Variants in RGS7 observed in about 807,000 individuals in gnomAD.
RGS7 encodes regulator of G-protein signaling 7.
Under a neutral mutation model 81.1 loss-of-function variants are expected in RGS7, and 27 were observed. The ratio of observed to expected loss-of-function variants is 0.33; its 90% CI spans 0.25 to 0.46. The LOEUF (loss-of-function observed/expected upper bound fraction) is 0.46, where lower values mean the gene tolerates loss of function less well. Among genes scored for constraint, RGS7 ranks in the 20% least tolerant of loss-of-function variants. RGS7 has a pLI of 1.00. For missense variants in RGS7, 396 were observed against 607.4 expected (o/e 0.65, Z 3.66); for synonymous variants, 208 against 207.7 (o/e 1.00, Z -0.01).
intron 2 of RGS7, among the ~76,000 whole-genome samples, chr1:241,173,730 A>G (rs2070900323): frequency 6.6e-6 from 1 of 152,208 alleles, no homozygotes; most frequent in Admixed American, 6.5e-5. Flanking sequence ...GCAATCAGCC[A>G]TGATAGCACC....
At chr1:241,342,089 G>A (rs748161504) in intron 2 of RGS7, among the ~76,000 whole-genome samples, 1 of 151,800 alleles carries the variant, frequency 6.6e-6, no homozygotes, top group Non-Finnish European at 1.5e-5. Flanking sequence ...GGCCAGGCTG[G>A]TCTCAAACTC....
chr1:241,273,182 C>CACCG (rs1553305836), intron 2 of RGS7, among the ~76,000 whole-genome samples: 3 of 137,416 alleles, frequency 2.2e-5, no homozygotes, highest in East Asian at 2.4e-4. Context: ...TGAACCCCCC[C>CACCG]CCCCAAAGGA....
chr1:241,110,117 T>G (rs6663447), intron 2 of RGS7, among the ~76,000 whole-genome samples: 13,516 of 152,274 alleles, frequency 0.089, 1,795 homozygotes, highest in African/African-American at 0.29. Flanking sequence ...TCTGTATAAT[T>G]GCTATTGACT....
At chr1:240,939,529 T>C (rs1203044995) in intron 4 of RGS7, among the ~76,000 whole-genome samples, 1 of 152,170 alleles carries the variant, frequency 6.6e-6, no homozygotes, top group African/African-American at 2.4e-5. Flanking sequence ...CAGGTGGTTA[T>C]AGTCCTGGTT....
chr1:241,326,412 T>TG (rs1230614709), intron 2 of RGS7, among the ~76,000 whole-genome samples: 3 of 152,192 alleles, frequency 2.0e-5, no homozygotes, highest in African/African-American at 7.2e-5. Flanking sequence ...CCTCCAGCTA[T>TG]ACCACCTGCT....
intron 2 of RGS7, among the ~76,000 whole-genome samples, chr1:241,165,137 T>C (rs2070084158): frequency 6.6e-6 from 1 of 152,206 alleles, no homozygotes; most frequent in African/African-American, 2.4e-5. Flanking sequence ...ATGACTTGAT[T>C]CTTGGGCACA....
chr1:240,794,986 C>T (rs924951434), intron 18 of RGS7, among the ~76,000 whole-genome samples: 1 of 152,044 alleles, frequency 6.6e-6, no homozygotes, highest in African/African-American at 2.4e-5. Context: ...AGTTCGAGAC[C>T]AGCCTGACCA....
At chr1:240,989,878 T>C (rs990925519) in intron 3 of RGS7, among the ~76,000 whole-genome samples, 2 of 152,140 alleles carry the variant, frequency 1.3e-5, no homozygotes, top group Non-Finnish European at 2.9e-5. Context: ...AAAGGATGTA[T>C]TTAGGCCTCA....
chr1:241,275,925 G>T (rs1371474353), intron 2 of RGS7, among the ~76,000 whole-genome samples: 2 of 152,310 alleles, frequency 1.3e-5, no homozygotes, highest in Middle Eastern at 3.4e-3. Flanking sequence ...CAATAATTCT[G>T]ATGAAGACTC....
chr1:240,857,095 G>A (rs1418909275), intron 9 of RGS7, among the ~76,000 whole-genome samples: 1 of 152,092 alleles, frequency 6.6e-6, no homozygotes, highest in African/African-American at 2.4e-5. Context: ...CACTTTATCT[G>A]CTGATATCAC....
At chr1:241,142,265 G>A (rs907965843) in intron 2 of RGS7, among the ~76,000 whole-genome samples, 1 of 152,158 alleles carries the variant, frequency 6.6e-6, no homozygotes, top group African/African-American at 2.4e-5. Context: ...GAGGTCTGAA[G>A]GATGGTGGCC....
intron 18 of RGS7, among the ~76,000 whole-genome samples, chr1:240,791,256 T>C (rs898385351): frequency 3.3e-5 from 5 of 152,180 alleles, no homozygotes; most frequent in Admixed American, 3.3e-4. Flanking sequence ...CAATGTGTGT[T>C]CCTATTATTA....
intron 4 of RGS7, among the ~76,000 whole-genome samples, chr1:240,945,935 A>C (rs528334298): frequency 6.6e-6 from 1 of 152,322 alleles, no homozygotes; most frequent in Non-Finnish European, 1.5e-5. Context: ...AGAATACCTA[A>C]AATCTAATAC....
At chr1:241,167,362 G>T (rs1319513778) in intron 2 of RGS7, among the ~76,000 whole-genome samples, 1 of 152,162 alleles carries the variant, frequency 6.6e-6, no homozygotes, top group East Asian at 1.9e-4. Context: ...ACTTCTGACT[G>T]AGCATACGCC....
intron 4 of RGS7, among the ~76,000 whole-genome samples, chr1:240,982,873 G>C (rs1685128447): frequency 6.6e-6 from 1 of 152,134 alleles, no homozygotes; most frequent in Non-Finnish European, 1.5e-5. Flanking sequence ...AATTAAGGAT[G>C]TGAAAAATTG....
intron 18 of RGS7, among the ~76,000 whole-genome samples, chr1:240,796,634 C>T (rs149273002): frequency 1.8e-4 from 28 of 152,184 alleles, no homozygotes; most frequent in African/African-American, 5.1e-4. Context: ...TGCAGTGAGC[C>T]GAGATCGTGC....
chr1:241,116,258 A>G (rs1240454971), intron 2 of RGS7, among the ~76,000 whole-genome samples: 1 of 152,192 alleles, frequency 6.6e-6, no homozygotes, highest in Non-Finnish European at 1.5e-5. Context: ...TCTTAAACAG[A>G]TACAAAAATA....
intron 2 of RGS7, among the ~76,000 whole-genome samples, chr1:241,108,217 C>T (rs1444593151): frequency 6.7e-6 from 1 of 149,098 alleles, no homozygotes; most frequent in African/African-American, 2.5e-5. Context: ...GCAGAAGAAT[C>T]GCTTGAACCC....
At chr1:241,186,363 A>C (rs1257936824) in intron 2 of RGS7, 3 of 252,762 alleles carry the variant, frequency 1.2e-5, no homozygotes, top group Non-Finnish European at 1.9e-5. Context: ...AAAGTAACAT[A>C]GTTTCACATT....
Sources: allele counts gnomAD v4.1 joint callset (sites outside exome capture counted in the v4.1 genomes callset), GRCh38; gene constraint gnomAD v4.1.1; transcripts MANE v1.5; gene names NCBI Gene and HGNC (gene_info 2026-07-23, HGNC 2026-07-21).